DMD: variants seen among roughly 807,000 people sequenced by gnomAD.
DMD encodes the protein mutant dystrophin.
Under a neutral mutation model 330.1 loss-of-function variants are expected in DMD, and 63 were observed. The ratio of observed to expected loss-of-function variants is 0.19; its 90% CI spans 0.16 to 0.24. The LOEUF is 0.24. Ranked by LOEUF, DMD falls within the 10% of genes least tolerant of loss-of-function variation. DMD has a pLI of 1.00. For missense variants in DMD, 3,344 were observed against 2,684.1 expected, an observed-to-expected ratio of 1.25 and a Z score of -5.43; for synonymous variants, 1,223 against 959.8, an observed-to-expected ratio of 1.27 and a Z score of -5.07.
At chrX:31,499,005 G>A (rs1015760413) in intron 56 of DMD, among the ~76,000 whole-genome samples, 3 of 111,696 alleles carry the variant, frequency 2.7e-5, no homozygotes, top group African/African-American at 6.5e-5. Context: ...AATGTGTAAT[G>A]GTTAAACGAA....
chrX:31,221,434 G>A (rs2046019731), intron 64 of DMD, among the ~76,000 whole-genome samples: 2 of 112,036 alleles, frequency 1.8e-5, no homozygotes, highest in Non-Finnish European at 3.8e-5. Flanking sequence ...TTCAGCACAT[G>A]CTCTTCTTTC....
At chrX:31,226,057 T>C (rs775053737) in intron 63 of DMD, among the ~76,000 whole-genome samples, 70 of 112,193 alleles carry the variant, frequency 6.2e-4, no homozygotes, top group South Asian at 5.7e-3. Context: ...AGAACCTGTG[T>C]GAGTCCTTGT....
At chrX:32,529,930 G>T (rs1377323133) in intron 17 of DMD, among the ~76,000 whole-genome samples, 2 of 111,200 alleles carry the variant, frequency 1.8e-5, no homozygotes, top group African/African-American at 6.5e-5. Context: ...GGTCTCAAAT[G>T]TATTTCTAGT....
At chrX:32,917,677 A>G (rs1159109449) in intron 2 of DMD, among the ~76,000 whole-genome samples, 3 of 112,191 alleles carry the variant, frequency 2.7e-5, no homozygotes, top group Non-Finnish European at 5.6e-5. Flanking sequence ...AGAAGAAGAA[A>G]AAATGGTTGG....
At chrX:32,603,282 T>G (rs1170671062) in intron 12 of DMD, among the ~76,000 whole-genome samples, 1 of 110,850 alleles carries the variant, frequency 9.0e-6, no homozygotes, top group Non-Finnish European at 1.9e-5. Flanking sequence ...GACAATGAAA[T>G]CAAGGAAGAA....
intron 1 of DMD, among the ~76,000 whole-genome samples, chrX:33,094,939 G>C (rs1444529716): frequency 9.0e-6 from 1 of 111,259 alleles, no homozygotes; most frequent in Admixed American, 9.6e-5. Context: ...AAACATATTT[G>C]AAAGGAAAAA....
intron 44 of DMD, among the ~76,000 whole-genome samples, chrX:32,027,157 C>T (rs1027584661): frequency 1.8e-4 from 11 of 60,969 alleles, no homozygotes; most frequent in East Asian, 7.3e-4. Flanking sequence ...CACACACACA[C>T]GCACGTGCAC....
intron 47 of DMD, among the ~76,000 whole-genome samples, chrX:31,888,889 T>G (rs1232239177): frequency 8.9e-6 from 1 of 112,433 alleles, no homozygotes; most frequent in Non-Finnish European, 1.9e-5. Flanking sequence ...GAATATTACT[T>G]TAAAAGTAAG....
chrX:31,627,579 T>C (rs1321311825), intron 55 of DMD, 94 bp downstream of exon 55: 1 of 968,211 alleles, frequency 1.0e-6, no homozygotes, highest in African/African-American at 1.9e-5. Context: ...AGCAACTATT[T>C]TGTTTTGTCC....
At chrX:31,773,905 A>G (rs2090499429) in intron 51 of DMD, 55 bp downstream of exon 51, 11 of 1,092,831 alleles carry the variant, frequency 1.0e-5, no homozygotes, top group Non-Finnish European at 1.3e-5. Context: ...TGATTGGTGG[A>G]AAATCTTCAT....
At chrX:33,069,235 C>CA (rs1569552530) in intron 1 of DMD, among the ~76,000 whole-genome samples, 1 of 110,970 alleles carries the variant, frequency 9.0e-6, no homozygotes, top group Non-Finnish European at 1.9e-5. Flanking sequence ...TCTCCTTCAA[C>CA]AAGTTCATCT....
intron 1 of DMD, among the ~76,000 whole-genome samples, chrX:33,193,669 T>C (rs1249106865): frequency 8.9e-6 from 1 of 112,361 alleles, no homozygotes; most frequent in Non-Finnish European, 1.9e-5. Context: ...AAAACTCAAA[T>C]GAATTGTATA....
chrX:32,347,526 A>T (rs772452168), intron 38 of DMD, among the ~76,000 whole-genome samples: 26 of 111,800 alleles, frequency 2.3e-4, no homozygotes, highest in African/African-American at 8.1e-4. Context: ...GGGAGTATTG[A>T]TTGAGGCAGC....
At chrX:32,282,465 C>T (rs1032366786) in intron 43 of DMD, among the ~76,000 whole-genome samples, 2 of 111,938 alleles carry the variant, frequency 1.8e-5, no homozygotes, top group Non-Finnish European at 3.8e-5. Context: ...TCTATCCATA[C>T]GTTCATGGTG....
chrX:31,180,539 C>T, intron 68 of DMD, 58 bp from the exon 69 acceptor site: 1 of 794,651 alleles, frequency 1.3e-6, no homozygotes, highest in Non-Finnish European at 1.9e-6. Context: ...TCCCAAAGAA[C>T]ACTCTTTAAT....
chrX:31,712,529 A>G (rs1204899291), intron 52 of DMD, among the ~76,000 whole-genome samples: 1 of 111,956 alleles, frequency 8.9e-6, no homozygotes, highest in Non-Finnish European at 1.9e-5. Flanking sequence ...TTTTTAATTT[A>G]TTCACTTAAT....
At position 32,864,608 on chromosome X, in the gene DMD, T is replaced by A. The variant is rs748288080; in HGVS notation, c.94-14788A>T. 1.1e-4 allele frequency among the ~76,000 whole-genome samples: 12 copies of A among 112,036 alleles called. No individual in the cohort carries two copies. The South Asian group carries it at 3.7e-3, about 35-fold the overall frequency. The stretch of plus-strand genomic sequence containing the variant: ...CAGTGATAATTCTACATATATACAT[T>A]AGGAAAATTCTTCAAAGTCCCAAAT... On this transcript the variant is annotated intron_variant, in intron 2 of 78. Coordinates refer to ENST00000357033, the MANE Select transcript of DMD (RefSeq NM_004006.3).
chrX:31,882,575 GA>G (rs1292768608), intron 47 of DMD, among the ~76,000 whole-genome samples: 2 of 111,880 alleles, frequency 1.8e-5, no homozygotes, highest in Non-Finnish European at 3.8e-5. Context: ...ATTGTTAAGA[GA>G]AAAAAATAAA....
intron 2 of DMD, among the ~76,000 whole-genome samples, chrX:32,852,665 C>G (rs1453435177): frequency 9.2e-6 from 1 of 108,831 alleles, no homozygotes; most frequent in African/African-American, 3.4e-5. Context: ...ACCCACTGCA[C>G]AGAACGGAGA....
Sources: gnomAD v4.1 joint callset for allele counts (sites outside exome capture counted in the v4.1 genomes callset) on GRCh38, gnomAD v4.1.1 for gene constraint, MANE v1.5 for transcripts, NCBI Gene and HGNC (gene_info 2026-07-23, HGNC 2026-07-21) for gene names.